SIDT2: variants seen among roughly 807,000 people sequenced by gnomAD.
SIDT2 encodes the protein SID1 transmembrane family member 2, also known as SID1 transmembrane family, member 2.
SIDT2 carries 68 observed loss-of-function variants against 114.4 expected under a neutral mutation model. The ratio of observed to expected loss-of-function variants is 0.59; its 90% CI spans 0.49 to 0.73. The LOEUF (loss-of-function observed/expected upper bound fraction) is 0.73. Ranked by LOEUF, SIDT2 falls within the 30% of genes least tolerant of loss-of-function variation. The probability of loss-of-function intolerance (pLI) is 0.00; values close to 1 mark genes in which losing one functional copy is unlikely to be tolerated. For synonymous variants in SIDT2, 470 were observed against 438.4 expected (o/e 1.07, Z -0.90); for missense variants, 918 against 1,097.1 (o/e 0.84, Z 2.31).
chr11:117,183,318 C>T (rs1041270529), intron 6 of SIDT2, among the ~76,000 whole-genome samples: 1 of 151,906 alleles, frequency 6.6e-6, no homozygotes, highest in Non-Finnish European at 1.5e-5. Flanking sequence ...GCACTCCAGC[C>T]TGGGCAAAAG....
At position 117,190,559 on chromosome 11, in the gene SIDT2, T is replaced by C. The variant is rs879517814; in HGVS notation, c.1618-64T>C. ...TCCACTCCTCTTAGGGTCCCTCTTT[T>C]GGGTCCCTTCTTCCCTTCCTGCCTC... On this transcript the variant is annotated intron_variant, in intron 17 of 25. Coordinates refer to ENST00000324225, the MANE Select transcript of SIDT2 (RefSeq NM_001040455.2). This position sits in a 1 kb window ranked among gnomAD's most constrained non-coding sequence, Gnocchi z 4.1. 4 of 1,368,638 alleles carry C rather than the reference T, an allele frequency of 2.9e-6. No individual in the cohort carries two copies. The highest frequency in any genetic ancestry group is 3.1e-6 in the Non-Finnish European group (3 of 983,524). The allele number at this position is 1,368,638 out of a possible 1,614,324, so 84.8% of individuals were successfully genotyped here.
chr11:117,186,578 A>T lies in SIDT2; in HGVS notation c.963-6A>T. On this transcript the variant is annotated splice_region_variant and splice_polypyrimidine_tract_variant and intron_variant, in intron 9 of 25. Transcript: ENST00000324225. ...TCTGGGTGGCCTGTGGGTTCTGTCC[A>T]TGCAGGCAGAAGAAGAAGACCCTGC... 6.4e-7 allele frequency: 1 copy of T among 1,558,202 alleles called. No homozygotes were observed.
intron 2 of SIDT2, 44 bp from the exon 3 acceptor site, chr11:117,181,746 TCTGGAGGGGCAGGCCGG>T: frequency 3.1e-6 from 5 of 1,610,194 alleles, no homozygotes; most frequent in Non-Finnish European, 4.2e-6. Flanking sequence ...GCCTCGCTCC[TCTGGAGGGGCAGGCCGG>T]CTGGGACAGT....
Position 117,192,433 on chromosome 11 carries a change from A to G in SIDT2, c.1981+71A>G. Reference sequence around the variant, plus strand: ...CCTTGGGAACCCGGACGCACGGGAGACGCTCAGGTTCTGTCTTGGGGGCCC... The same window carrying G: ...CCTTGGGAACCCGGACGCACGGGAGGCGCTCAGGTTCTGTCTTGGGGGCCC... On this transcript the variant is annotated intron_variant, in intron 20 of 25. Coordinates refer to ENST00000324225, the MANE Select transcript of SIDT2 (RefSeq NM_001040455.2). The surrounding 1 kb of genome is among the most constrained non-coding windows in gnomAD (Gnocchi z 5.9). 1.4e-6 allele frequency: 2 copies of G among 1,388,018 alleles called. No individual in the cohort carries two copies. Among genetic ancestry groups the G allele is most frequent in the Non-Finnish European group, 2.0e-6 (2 of 983,976 alleles). The allele number at this position is 1,388,018 out of a possible 1,614,324, so 86.0% of individuals were successfully genotyped here. A position where few individuals can be genotyped will look rare whatever the true frequency, so the allele number is the denominator to read the frequency against.
chr11:117,185,934 A>C, intron 8 of SIDT2, 196 bp from the exon 9 acceptor site: 1 of 506,764 alleles, frequency 2.0e-6, no homozygotes, highest in East Asian at 3.4e-5. Context: ...CAACATGAGC[A>C]AAAATAGGAG....
intron 6 of SIDT2, 84 bp from the exon 7 acceptor site, chr11:117,183,695 A>G (rs956681650): frequency 2.8e-5 from 29 of 1,022,396 alleles, no homozygotes; most frequent in East Asian, 9.5e-5. Context: ...AGAATTTAGC[A>G]TAATGTCTGG....
At position 117,193,175 on chromosome 11, in the gene SIDT2, C is replaced by T. The variant is rs142171036; in HGVS notation, c.2128C>T (p.Arg710Cys). The T allele has an allele frequency of 2.7e-3, 4,381 of 1,614,134 alleles. 11 individuals are homozygous for T. Among genetic ancestry groups the T allele is most frequent in the Non-Finnish European group, 3.4e-3 (3,970 of 1,179,984 alleles). ...WSLAAYGLIM[R>C]PNDFASYLLA... ...CAGGGCTGCCTATGGGCTTATCATGCGCCCCAATGATTTCGCTTCCTACTT... is the reference window on the plus strand; with the variant it reads ...CAGGGCTGCCTATGGGCTTATCATGTGCCCCAATGATTTCGCTTCCTACTT... The change falls in exon 23 of 26, where the codon CGC becomes TGC. Residue 710 changes from arginine (R) to cysteine (C), a missense_variant. By Grantham distance (180) the Arg-to-Cys change is radical. This residue lies in a region of SIDT2 where 275 missense variants were observed against 397.6 expected (regional missense o/e 0.69). Transcript: ENST00000324225.
chr11:117,192,748 C>T lies in SIDT2; in HGVS notation c.2059-72C>T. On this transcript the variant is annotated intron_variant, in intron 21 of 25. Transcript: ENST00000324225. The surrounding 1 kb of genome is among the most constrained non-coding windows in gnomAD (Gnocchi z 5.9). ...TGAGGACCCAGGGGAGAGTGGGGAC[C>T]AGCTGGCTGGGCCTTCTTCCACCAC... is the stretch of plus-strand genomic sequence containing the variant. The T allele has an allele frequency of 1.2e-6, 2 of 1,611,252 alleles. No homozygotes were observed. The highest frequency in any genetic ancestry group is 2.2e-5 in the South Asian group (2 of 91,010).
Position 117,181,503 on chromosome 11 carries a change from G to C in SIDT2, c.271G>C (p.Val91Leu). The change falls in exon 2 of 26, where the codon GTG becomes CTG. Residue 91 changes from valine to leucine, a missense_variant. This residue lies in a region of SIDT2 where 553 missense variants were observed against 600.1 expected (regional missense o/e 0.92). Transcript: ENST00000324225. ...TGTGGTCCGCCAGAAGGAGGCTGTG[G>C]TGTCCTTCCAGGTGCCCCTAATCCT... ...LFVVRQKEAV[V>L]SFQVPLILRG... is the part of the protein sequence containing the mutation. The C allele has an allele frequency of 6.2e-7, 1 of 1,613,978 alleles. No individual in the cohort carries two copies. The highest frequency in any genetic ancestry group is 1.1e-5 in the South Asian group (1 of 91,080).
chr11:117,191,516 G>A (rs948801050), intron 18 of SIDT2: 3 of 215,182 alleles, frequency 1.4e-5, no homozygotes, highest in African/African-American at 2.3e-5. Context: ...CCCAGGAAGC[G>A]GAGGTTGCAG....
At chr11:117,182,653 A>T in intron 5 of SIDT2, 33 bp downstream of exon 5, 1 of 1,614,052 alleles carries the variant, frequency 6.2e-7, no homozygotes, top group Non-Finnish European at 8.5e-7. Context: ...CTTCCCCAGC[A>T]GGCAGCAGGG....
rs372528187 is a variant in SIDT2 at position 117,189,425 on chromosome 11, C to T, written c.1419+24C>T. ...CGGTGAGAGGGCAGGGCAGGTTCAC[C>T]TTTCCGACAGCCTAGGACACCGCCC... On this transcript the variant is annotated intron_variant, in intron 15 of 25. Transcript: ENST00000324225. 8 of 1,611,638 alleles carry T rather than the reference C, an allele frequency of 5.0e-6. No individual in the cohort carries two copies. The South Asian group carries it at 8.8e-5, about 18-fold the overall frequency.
rs2134260051 is a variant in SIDT2, at chr11:117,192,967, C to T, written c.2105+101C>T. The T allele has an allele frequency of 7.4e-6, 11 of 1,485,994 alleles. No individual in the cohort carries two copies. Among genetic ancestry groups the T allele is most frequent in the Admixed American group, 5.0e-5 (3 of 59,822 alleles). 92.1% of individuals were successfully genotyped at this position (1,485,994 alleles called of 1,614,324 possible). ...CTAAGGACAACTTCCAAATGTTGGGCATAAGACATGGGGGCTAAGAGAGAT... is the reference window on the plus strand; with the variant it reads ...CTAAGGACAACTTCCAAATGTTGGGTATAAGACATGGGGGCTAAGAGAGAT... On this transcript the variant is annotated intron_variant, in intron 22 of 25. Coordinates refer to ENST00000324225, the MANE Select transcript of SIDT2 (RefSeq NM_001040455.2). This position sits in a 1 kb window ranked among gnomAD's most constrained non-coding sequence, Gnocchi z 5.9.
At chr11:117,183,615 G>A (rs2134249881) in intron 6 of SIDT2, among the ~76,000 whole-genome samples, 164 bp from the exon 7 acceptor site, 1 of 151,806 alleles carries the variant, frequency 6.6e-6, no homozygotes, top group East Asian at 1.9e-4. Flanking sequence ...TCCAGCCTAG[G>A]CAATAGGAGT....
At chr11:117,191,780 C>A in intron 18 of SIDT2, 98 bp from the exon 19 acceptor site, 1 of 1,524,884 alleles carries the variant, frequency 6.6e-7, no homozygotes, top group Non-Finnish European at 8.8e-7. Flanking sequence ...TGGTGGGGCA[C>A]CAGGGCTCTC....
rs1274699867 is a variant in SIDT2 at position 117,196,074 on chromosome 11, TGGGCCCTTCGCTTCACCTCAAG to T, written c.*16_*37del. 16 of 1,614,108 alleles carry T rather than the reference TGGGCCCTTCGCTTCACCTCAAG, an allele frequency of 9.9e-6. No homozygotes were observed. In the African/African-American group the frequency reaches 1.7e-4, roughly 17 times the overall value. Reference sequence around the variant, plus strand: ...AAGATCTATGTCTTCTAGCAGGAGCTGGGCCCTTCGCTTCACCTCAAGGGGCCCTGAGCTCCTTTGTGTCATA... The same window carrying T: ...AAGATCTATGTCTTCTAGCAGGAGCTGGGCCCTGAGCTCCTTTGTGTCATA... On this transcript the variant is annotated 3_prime_UTR_variant, in exon 26 of 26. Coordinates refer to ENST00000324225, the MANE Select transcript of SIDT2 (RefSeq NM_001040455.2). The surrounding 1 kb of genome is among the most constrained non-coding windows in gnomAD (Gnocchi z 4.9).
rs1305083728 is a variant in SIDT2, at chr11:117,191,857, C to T, written c.1736-21C>T. On this transcript the variant is annotated intron_variant, in intron 18 of 25. Transcript: ENST00000324225. Reference sequence around the variant, plus strand: ...GCTTGGTGGCCATTTCTGCAGCTCCCTTCCGTGTCCCTCATCCTAGACACA... The same window carrying T: ...GCTTGGTGGCCATTTCTGCAGCTCCTTTCCGTGTCCCTCATCCTAGACACA... 6.2e-6 allele frequency: 10 copies of T among 1,611,876 alleles called. No individual in the cohort carries two copies. In the Admixed American group the frequency reaches 6.7e-5, roughly 11 times the overall value.
chr11:117,192,455 G>T lies in SIDT2; in HGVS notation c.1981+93G>T. 28 of 1,419,792 alleles carry T rather than the reference G, an allele frequency of 2.0e-5. No homozygotes were observed. The South Asian group carries it at 2.8e-4, about 14-fold the overall frequency. The allele number at this position is 1,419,792 out of a possible 1,614,324, so 87.9% of individuals were successfully genotyped here. A position where few individuals can be genotyped will look rare whatever the true frequency, so the allele number is the denominator to read the frequency against. ...GAGACGCTCAGGTTCTGTCTTGGGGGCCCTGGAGTCACTGGGTGAGGAATT... is the reference window on the plus strand; with the variant it reads ...GAGACGCTCAGGTTCTGTCTTGGGGTCCCTGGAGTCACTGGGTGAGGAATT... On this transcript the variant is annotated intron_variant, in intron 20 of 25. Coordinates refer to ENST00000324225, the MANE Select transcript of SIDT2 (RefSeq NM_001040455.2). This position sits in a 1 kb window ranked among gnomAD's most constrained non-coding sequence, Gnocchi z 5.9.
At chr11:117,180,298 C>T (rs1386845417) in intron 1 of SIDT2, among the ~76,000 whole-genome samples, 1 of 152,130 alleles carries the variant, frequency 6.6e-6, no homozygotes, top group African/African-American at 2.4e-5. Context: ...CCCCCAGTGC[C>T]TGGTTCTCTG....
Sources: gnomAD v4.1 joint callset for allele counts (sites outside exome capture counted in the v4.1 genomes callset) on GRCh38, gnomAD v4.1.1 for gene constraint, gnomAD v4.1.1 regional missense constraint, Gnocchi (gnomAD v3.1) non-coding constraint, MANE v1.5 for transcripts, NCBI Gene and HGNC (gene_info 2026-07-23, HGNC 2026-07-21) for gene names.